STK39: variants seen among roughly 807,000 people sequenced by gnomAD.
STK39 encodes the protein serine/threonine kinase 39.
STK39 carries 20 observed loss-of-function variants against 77.8 expected under a neutral mutation model. That is an observed-to-expected ratio of 0.26 (90% CI 0.18 to 0.37). The LOEUF (loss-of-function observed/expected upper bound fraction) is 0.37, where lower values mean the gene tolerates loss of function less well. Among genes scored for constraint, STK39 ranks in the 10% least tolerant of loss-of-function variants. The pLI is 1.00. For synonymous variants in STK39, 246 were observed against 234.1 expected (o/e 1.05, Z -0.47); for missense variants, 479 against 656.5 (o/e 0.73, Z 2.95).
At chr2:168,132,974 G>T (rs938319442) in intron 8 of STK39, among the ~76,000 whole-genome samples, 1 of 152,178 alleles carries the variant, frequency 6.6e-6, no homozygotes, top group South Asian at 2.1e-4. Context: ...CAAAATCTAT[G>T]CATCTGTTCA....
chr2:168,218,564 C>T (rs1259395741), intron 1 of STK39, among the ~76,000 whole-genome samples: 1 of 152,302 alleles, frequency 6.6e-6, no homozygotes, highest in East Asian at 1.9e-4. Flanking sequence ...ACCTAAAGAA[C>T]ATGACTGTCC....
intron 1 of STK39, among the ~76,000 whole-genome samples, chr2:168,222,122 T>C (rs1462671310): frequency 6.6e-6 from 1 of 152,192 alleles, no homozygotes; most frequent in East Asian, 1.9e-4. Context: ...TTTGGCTGAA[T>C]ATTCCAGTCT....
intron 17 of STK39, among the ~76,000 whole-genome samples, chr2:167,959,131 TA>T (rs1691867664): frequency 6.6e-6 from 1 of 151,860 alleles, no homozygotes; most frequent in Non-Finnish European, 1.5e-5. Flanking sequence ...TATTTATTTA[TA>T]TTTTTTGAGA....
At chr2:168,238,730 AG>A (rs1361167270) in intron 1 of STK39, among the ~76,000 whole-genome samples, 5 of 152,250 alleles carry the variant, frequency 3.3e-5, no homozygotes, top group Non-Finnish European at 7.3e-5. Context: ...CATTCTCTAA[AG>A]GATTTTTCTC....
rs190200109 is a variant in STK39 at position 168,164,622 on chromosome 2, G to A, written c.431-742C>T. Among the ~76,000 whole-genome samples, 75 of 151,642 alleles carry A rather than the reference G, an allele frequency of 4.9e-4. 1 individual carries two copies. The South Asian group carries it at 6.0e-3, about 12-fold the overall frequency. ...GGGTCTTACCACGTTGCCCATGCCG[G>A]TCTTGAACTTCTGGGCTTAAGTGAT... is the stretch of plus-strand genomic sequence containing the variant. On this transcript the variant is annotated intron_variant, in intron 3 of 17. Coordinates refer to ENST00000355999, the MANE Select transcript of STK39 (RefSeq NM_013233.3).
rs114414995 is a variant in STK39 at position 168,100,515 on chromosome 2, C to A, written c.1090-25284G>T. 3.5e-3 allele frequency among the ~76,000 whole-genome samples: 535 copies of A among 152,290 alleles called. 3 individuals are homozygous for A. Among genetic ancestry groups the A allele is most frequent in the Non-Finnish European group, 5.9e-3 (400 of 68,020 alleles). ...CTGGGCTCAAGCGATCCTCCTGCCA[C>A]GGCCTCCCAAAGTGTAGGGATTACA... On this transcript the variant is annotated intron_variant, in intron 10 of 17. Transcript: ENST00000355999.
At chr2:167,986,115 A>G (rs1283324722) in intron 16 of STK39, among the ~76,000 whole-genome samples, 1 of 152,200 alleles carries the variant, frequency 6.6e-6, no homozygotes, top group Non-Finnish European at 1.5e-5. Context: ...AGAAATTCCA[A>G]TCTTAGTTGG....
chr2:168,048,919 G>A (rs1685321525), intron 14 of STK39, among the ~76,000 whole-genome samples: 1 of 152,154 alleles, frequency 6.6e-6, no homozygotes, highest in Non-Finnish European at 1.5e-5. Context: ...GACTAAATGT[G>A]GTCAGCTCTG....
chr2:168,226,951 T>C (rs989803791), intron 1 of STK39, among the ~76,000 whole-genome samples: 5 of 152,214 alleles, frequency 3.3e-5, no homozygotes, highest in East Asian at 1.9e-4. Flanking sequence ...AGAATAGCAA[T>C]GGATCCAGAA....
intron 15 of STK39, among the ~76,000 whole-genome samples, chr2:168,015,981 G>A (rs1305991381): frequency 2.0e-5 from 3 of 152,116 alleles, no homozygotes; most frequent in African/African-American, 4.8e-5. Flanking sequence ...AGGCTGGATC[G>A]CAGTGGCACA....
intron 8 of STK39, among the ~76,000 whole-genome samples, chr2:168,132,816 T>C (rs1687733417): frequency 6.6e-6 from 1 of 152,142 alleles, no homozygotes; most frequent in African/African-American, 2.4e-5. Flanking sequence ...AGGGACCTCA[T>C]AGAATTCCTT....
intron 15 of STK39, among the ~76,000 whole-genome samples, chr2:168,016,548 G>C (rs180991867): frequency 6.6e-6 from 1 of 152,284 alleles, no homozygotes; most frequent in African/African-American, 2.4e-5. Flanking sequence ...GGGTCAAAGG[G>C]TTTACTGATG....
chr2:167,986,789 T>C lies in STK39; in HGVS notation c.1499-22063A>G, dbSNP rs141286557. On this transcript the variant is annotated intron_variant, in intron 16 of 17. Coordinates refer to ENST00000355999, the MANE Select transcript of STK39 (RefSeq NM_013233.3). ...CATGTAAATAAAGCTGTTGGTTACC[T>C]TAGGGAAGGCAGCCATTTGTAGGAG... Among the ~76,000 whole-genome samples, 119 of 152,272 alleles carry C rather than the reference T, an allele frequency of 7.8e-4. 1 individual carries two copies. The highest frequency in any genetic ancestry group is 2.6e-3 in the African/African-American group (110 of 41,562).
intron 1 of STK39, among the ~76,000 whole-genome samples, chr2:168,202,019 A>G (rs774221857): frequency 2.6e-5 from 4 of 152,240 alleles, no homozygotes; most frequent in Non-Finnish European, 5.9e-5. Flanking sequence ...AACGAGCCAG[A>G]GCTGGGGCTT....
intron 1 of STK39, among the ~76,000 whole-genome samples, chr2:168,207,951 G>T (rs989062761): frequency 6.6e-6 from 1 of 152,114 alleles, no homozygotes; most frequent in African/African-American, 2.4e-5. Context: ...TGAGAAGGAA[G>T]AACAGTAGTG....
intron 10 of STK39, among the ~76,000 whole-genome samples, chr2:168,096,004 A>G (rs995569166): frequency 2.0e-5 from 3 of 152,176 alleles, no homozygotes; most frequent in Non-Finnish European, 4.4e-5. Context: ...CTTAATATCC[A>G]TATGCCTATT....
At chr2:168,018,542 G>GAAAGAAAAGAAAGA (rs1553514709) in intron 14 of STK39, among the ~76,000 whole-genome samples, 2 of 95,072 alleles carry the variant, frequency 2.1e-5, no homozygotes, top group Non-Finnish European at 4.5e-5. Context: ...AGAAAGAAAA[G>GAAAGAAAAGAAAGA]AAAGAAAGAA....
At chr2:168,016,508 GT>G (rs1684414369) in intron 15 of STK39, among the ~76,000 whole-genome samples, 2 of 151,444 alleles carry the variant, frequency 1.3e-5, no homozygotes, top group Non-Finnish European at 2.9e-5. Context: ...ATCTGAGTTT[GT>G]GTCTTCCTGC....
chr2:167,961,217 A>G (rs1691948942), intron 17 of STK39, among the ~76,000 whole-genome samples: 1 of 152,246 alleles, frequency 6.6e-6, no homozygotes, highest in Non-Finnish European at 1.5e-5. Flanking sequence ...ATGTTGCCTT[A>G]GTCATACAGC....
Sources: gnomAD v4.1 joint callset for allele counts (sites outside exome capture counted in the v4.1 genomes callset) on GRCh38, gnomAD v4.1.1 for gene constraint, MANE v1.5 for transcripts, NCBI Gene and HGNC (gene_info 2026-07-23, HGNC 2026-07-21) for gene names.